The following XKR4 variants were observed in gnomAD, a reference collection of about 807,000 sequenced individuals.
XKR4 encodes the protein XK-related protein 4.
In XKR4, 12 loss-of-function variants were observed where a neutral mutation model predicts 53.9. The observed-to-expected ratio is 0.22, with a 90% confidence interval of 0.14 to 0.36. The LOEUF (loss-of-function observed/expected upper bound fraction) is 0.36. XKR4 is among the 10% of genes least tolerant of loss of function. The pLI is 1.00. For synonymous variants in XKR4, 354 were observed against 362.4 expected, an observed-to-expected ratio of 0.98 and a Z score of 0.26; for missense variants, 799 against 859.5, an observed-to-expected ratio of 0.93 and a Z score of 0.88.
rs2129406488 is a variant in XKR4, at chr8:55,529,093, AG to A, written c.*4867del. 1 of 151,214 alleles carries A rather than the reference AG, an allele frequency of 6.6e-6. No homozygotes were observed. Among genetic ancestry groups the A allele is most frequent in the South Asian group, 2.1e-4 (1 of 4,742 alleles). The allele number at this position is 151,214 out of a possible 1,614,324, so 9.4% of individuals were successfully genotyped here. Reference sequence around the variant, plus strand: ...TCGACAGTATCATTACTCATTCTAAAGTAAAACTGCAGAATATGGGTGGAAT... The same window carrying A: ...TCGACAGTATCATTACTCATTCTAAATAAAACTGCAGAATATGGGTGGAAT... On this transcript the variant is annotated 3_prime_UTR_variant, in exon 3 of 3. Transcript: ENST00000327381.
chr8:55,228,973 A>C (rs1014263976), intron 1 of XKR4, among the ~76,000 whole-genome samples: 4 of 152,240 alleles, frequency 2.6e-5, no homozygotes, highest in Non-Finnish European at 5.9e-5. Context: ...CCTTCCATTC[A>C]ACTGATGTTT....
chr8:55,376,724 T>C (rs962788498), intron 2 of XKR4, among the ~76,000 whole-genome samples: 1 of 152,188 alleles, frequency 6.6e-6, no homozygotes, highest in Non-Finnish European at 1.5e-5. Context: ...GTGGAGATAT[T>C]TCCTACAGTT....
intron 1 of XKR4, among the ~76,000 whole-genome samples, chr8:55,143,456 TG>T (rs561682169): frequency 9.0e-4 from 137 of 152,330 alleles, no homozygotes; most frequent in Non-Finnish European, 1.4e-3. Context: ...CTCTTAATAA[TG>T]ATTTAAAAGT....
At chr8:55,462,915 G>T (rs949552626) in intron 2 of XKR4, among the ~76,000 whole-genome samples, 1 of 152,166 alleles carries the variant, frequency 6.6e-6, no homozygotes, top group African/African-American at 2.4e-5. Context: ...AATTCAAAAA[G>T]AAGAACTAAC....
chr8:55,142,052 C>G (rs1306194218), intron 1 of XKR4: 3 of 455,450 alleles, frequency 6.6e-6, no homozygotes, highest in Non-Finnish European at 1.3e-5. Context: ...CCTGCCACCC[C>G]CAACAGCCTT....
At chr8:55,519,362 G>A (rs892507571) in intron 2 of XKR4, among the ~76,000 whole-genome samples, 1 of 152,054 alleles carries the variant, frequency 6.6e-6, no homozygotes. Context: ...TGAAGGAATC[G>A]TCATATTTTA....
chr8:55,454,529 A>G, intron 2 of XKR4: 1 of 1,374,864 alleles, frequency 7.3e-7, no homozygotes, highest in Non-Finnish European at 1.0e-6. Flanking sequence ...GCGGAAGAGC[A>G]GGCCACGCTG....
intron 1 of XKR4, among the ~76,000 whole-genome samples, chr8:55,236,136 A>G (rs958635316): frequency 6.6e-6 from 1 of 152,220 alleles, no homozygotes; most frequent in Non-Finnish European, 1.5e-5. Flanking sequence ...ACAGTGAGTC[A>G]GGGCAGGTGG....
At chr8:55,199,935 C>A (rs1280498818) in intron 1 of XKR4, among the ~76,000 whole-genome samples, 1 of 152,192 alleles carries the variant, frequency 6.6e-6, no homozygotes, top group Non-Finnish European at 1.5e-5. Flanking sequence ...GGTTAAATTT[C>A]TTGCCTGAGG....
At chr8:55,103,904 T>G (rs2129350238) in intron 1 of XKR4, among the ~76,000 whole-genome samples, 1 of 140,578 alleles carries the variant, frequency 7.1e-6, no homozygotes, top group Admixed American at 7.2e-5. Context: ...TCCCCGAGCA[T>G]GATTCAGTAA....
intron 1 of XKR4, among the ~76,000 whole-genome samples, chr8:55,269,325 G>T (rs1818655629): frequency 6.6e-6 from 1 of 151,856 alleles, no homozygotes; most frequent in Admixed American, 6.6e-5. Context: ...TGGAATAAGA[G>T]AGTTGATACC....
At chr8:55,307,359 T>C (rs1350634110) in intron 1 of XKR4, among the ~76,000 whole-genome samples, 1 of 152,080 alleles carries the variant, frequency 6.6e-6, no homozygotes, top group Admixed American at 6.6e-5. Context: ...CTAAACAGCA[T>C]ATACAGGAGG....
chr8:55,479,721 C>A (rs1160489862), intron 2 of XKR4, among the ~76,000 whole-genome samples: 1 of 152,208 alleles, frequency 6.6e-6, no homozygotes, highest in South Asian at 2.1e-4. Flanking sequence ...GGGGATATCA[C>A]CACCAATCCC....
chr8:55,286,432 T>C lies in XKR4; in HGVS notation c.807-71246T>C, dbSNP rs945388368. The stretch of plus-strand genomic sequence containing the variant: ...CAAGAACAGACACCCTTCGAAGGCA[T>C]TGTACCAAGGGGCAGCCTCTTTGGT... On this transcript the variant is annotated intron_variant, in intron 1 of 2. Coordinates refer to ENST00000327381, the MANE Select transcript of XKR4 (RefSeq NM_052898.2). Among the ~76,000 whole-genome samples the C allele has an allele frequency of 5.3e-5, 8 of 152,208 alleles. 1 individual carries two copies. Among genetic ancestry groups the C allele is most frequent in the East Asian group, 1.9e-4 (1 of 5,198 alleles).
chr8:55,450,887 C>A (rs1563353503), intron 2 of XKR4: 6 of 473,094 alleles, frequency 1.3e-5, no homozygotes, highest in South Asian at 7.9e-5. Context: ...CTCCCAGCAC[C>A]GACACCTGCA....
intron 2 of XKR4, among the ~76,000 whole-genome samples, chr8:55,461,675 C>T (rs1443305800): frequency 6.6e-6 from 1 of 152,142 alleles, no homozygotes; most frequent in Non-Finnish European, 1.5e-5. Flanking sequence ...TCAAACTACT[C>T]TGAGCTAAAG....
intron 1 of XKR4, among the ~76,000 whole-genome samples, chr8:55,275,960 T>C (rs1425905726): frequency 1.3e-5 from 2 of 152,248 alleles, no homozygotes; most frequent in Admixed American, 1.3e-4. Flanking sequence ...CTCCGCCCTG[T>C]TGTGATGCTA....
intron 1 of XKR4, among the ~76,000 whole-genome samples, chr8:55,186,496 A>T (rs1366443999): frequency 6.6e-6 from 1 of 151,890 alleles, no homozygotes; most frequent in East Asian, 1.9e-4. Flanking sequence ...TCTACTAAAA[A>T]TAAAAAAAAA....
intron 1 of XKR4, among the ~76,000 whole-genome samples, chr8:55,242,466 G>A (rs1377550650): frequency 1.3e-5 from 2 of 152,164 alleles, no homozygotes; most frequent in East Asian, 3.8e-4. Context: ...ATGCGAGGAG[G>A]TAACAAGGCA....
Sources: allele counts gnomAD v4.1 joint callset (sites outside exome capture counted in the v4.1 genomes callset), GRCh38; gene constraint gnomAD v4.1.1; transcripts MANE v1.5; gene names NCBI Gene and HGNC (gene_info 2026-07-23, HGNC 2026-07-21).